LUZP2: variants seen among roughly 807,000 people sequenced by gnomAD.
The protein encoded by LUZP2 is leucine zipper protein 2.
LUZP2 carries 52 observed loss-of-function variants against 51.6 expected under a neutral mutation model. The ratio of observed to expected loss-of-function variants is 1.01; its 90% CI spans 0.81 to 1.27. LUZP2 has a LOEUF of 1.27. Ranked by LOEUF, LUZP2 falls within the 50% of genes most tolerant of loss-of-function variation. The pLI is 0.00. For synonymous variants in LUZP2, 154 were observed against 137.3 expected, an observed-to-expected ratio of 1.12 and a Z score of -0.85; for missense variants, 436 against 395.4, an observed-to-expected ratio of 1.10 and a Z score of -0.87.
chr11:24,938,051 C>A (rs934067252), intron 7 of LUZP2, among the ~76,000 whole-genome samples: 3 of 152,038 alleles, frequency 2.0e-5, no homozygotes. Context: ...AGGGGAGAAT[C>A]AGTTTATCTC....
chr11:24,656,121 GAAATAGGT>G (rs1292626901), intron 1 of LUZP2, among the ~76,000 whole-genome samples: 1 of 152,174 alleles, frequency 6.6e-6, no homozygotes, highest in African/African-American at 2.4e-5. Flanking sequence ...TCCTGAAACA[GAAATAGGT>G]AACTCAAAAT....
intron 6 of LUZP2, among the ~76,000 whole-genome samples, chr11:24,912,667 T>G (rs1853672209): frequency 6.6e-6 from 1 of 151,962 alleles, no homozygotes; most frequent in South Asian, 2.1e-4. Flanking sequence ...AAAATTAGTC[T>G]GGTATGCTGG....
chr11:24,657,165 G>C (rs1855835770), intron 1 of LUZP2, among the ~76,000 whole-genome samples: 1 of 152,162 alleles, frequency 6.6e-6, no homozygotes, highest in Non-Finnish European at 1.5e-5. Flanking sequence ...GGCTATTGTA[G>C]TAGTCATGTT....
chr11:24,692,713 AT>A (rs1463485176), intron 1 of LUZP2, among the ~76,000 whole-genome samples: 1 of 152,116 alleles, frequency 6.6e-6, no homozygotes, highest in African/African-American at 2.4e-5. Flanking sequence ...TGAGAAAAAA[AT>A]AAATGAGTTT....
At chr11:24,959,104 A>C (rs1161802437) in intron 7 of LUZP2, among the ~76,000 whole-genome samples, 17 of 152,018 alleles carry the variant, frequency 1.1e-4, no homozygotes, top group Non-Finnish European at 2.4e-4. Context: ...GTTCTGTTCC[A>C]TTGATCTATA....
intron 5 of LUZP2, among the ~76,000 whole-genome samples, chr11:24,897,324 C>G (rs943198730): frequency 1.3e-5 from 2 of 152,180 alleles, no homozygotes; most frequent in African/African-American, 2.4e-5. Flanking sequence ...AGCAACCCGC[C>G]TCTGTGGAAG....
At chr11:24,979,506 A>G (rs1220016092) in intron 8 of LUZP2, among the ~76,000 whole-genome samples, 1 of 151,876 alleles carries the variant, frequency 6.6e-6, no homozygotes, top group East Asian at 1.9e-4. Context: ...CTGGAATTTA[A>G]ATAACCTTAA....
intron 5 of LUZP2, among the ~76,000 whole-genome samples, chr11:24,832,478 T>G (rs1359896142): frequency 6.6e-6 from 1 of 151,980 alleles, no homozygotes; most frequent in Non-Finnish European, 1.5e-5. Flanking sequence ...TTTATAAACA[T>G]AAAATATATT....
At chr11:24,669,071 G>C (rs1298449084) in intron 1 of LUZP2, among the ~76,000 whole-genome samples, 1 of 152,090 alleles carries the variant, frequency 6.6e-6, no homozygotes, top group African/African-American at 2.4e-5. Context: ...GCAGCAAGGT[G>C]CAACACCAAA....
rs189727148 is a variant in LUZP2 at position 24,623,771 on chromosome 11, C to T, written c.63-105398C>T. Reference sequence around the variant, plus strand: ...CTGAGGCAGGAGAATTGCTTGAATCCGGGAGGTGGAGGTTGCAGTGAGCTG... The same window carrying T: ...CTGAGGCAGGAGAATTGCTTGAATCTGGGAGGTGGAGGTTGCAGTGAGCTG... On this transcript the variant is annotated intron_variant, in intron 1 of 11. Transcript: ENST00000336930. 9.3e-3 allele frequency among the ~76,000 whole-genome samples: 1,410 copies of T among 152,176 alleles called. 26 individuals are homozygous for T. The highest frequency in any genetic ancestry group is 0.033 in the African/African-American group (1,352 of 41,550).
chr11:24,626,583 C>G (rs1426490999), intron 1 of LUZP2, among the ~76,000 whole-genome samples: 1 of 152,110 alleles, frequency 6.6e-6, no homozygotes, highest in Non-Finnish European at 1.5e-5. Context: ...GACCAGAAAT[C>G]AATGAAACAC....
intron 1 of LUZP2, among the ~76,000 whole-genome samples, chr11:24,724,899 A>G (rs1255081059): frequency 6.6e-6 from 1 of 152,198 alleles, no homozygotes; most frequent in African/African-American, 2.4e-5. Flanking sequence ...AAATGGAGAA[A>G]CCCATCCACA....
intron 1 of LUZP2, among the ~76,000 whole-genome samples, chr11:24,596,664 G>T (rs1438426104): frequency 6.6e-6 from 1 of 152,154 alleles, no homozygotes; most frequent in Non-Finnish European, 1.5e-5. Context: ...GTGGCTGTAA[G>T]CAATACGTTC....
chr11:24,926,486 T>C (rs1222779525), intron 7 of LUZP2, among the ~76,000 whole-genome samples: 1 of 92,994 alleles, frequency 1.1e-5, no homozygotes, highest in Admixed American at 1.1e-4. Context: ...TGTGTGTGTA[T>C]ATATATGTGT....
intron 9 of LUZP2, among the ~76,000 whole-genome samples, chr11:24,995,510 T>C (rs1856465623): frequency 6.6e-6 from 1 of 152,218 alleles, no homozygotes; most frequent in Admixed American, 6.5e-5. Flanking sequence ...TCAGTATAAA[T>C]TTAACTTTTC....
intron 1 of LUZP2, among the ~76,000 whole-genome samples, chr11:24,530,672 G>C (rs1298847873): frequency 1.4e-5 from 2 of 140,214 alleles, no homozygotes; most frequent in Non-Finnish European, 3.2e-5. Context: ...TTTGTCAGTT[G>C]TTTACATTTT....
intron 5 of LUZP2, among the ~76,000 whole-genome samples, chr11:24,858,032 ACT>A (rs1345299373): frequency 1.3e-5 from 2 of 151,836 alleles, no homozygotes; most frequent in Non-Finnish European, 2.9e-5. Flanking sequence ...TGGGATGAGG[ACT>A]CTCACAGCTA....
At chr11:24,859,269 A>G (rs1308650188) in intron 5 of LUZP2, among the ~76,000 whole-genome samples, 2 of 152,196 alleles carry the variant, frequency 1.3e-5, no homozygotes, top group African/African-American at 2.4e-5. Context: ...ATATTGAAAG[A>G]GTAAGAAATT....
intron 5 of LUZP2, among the ~76,000 whole-genome samples, chr11:24,844,544 G>A (rs184511140): frequency 2.0e-4 from 31 of 152,248 alleles, no homozygotes; most frequent in Admixed American, 7.9e-4. Flanking sequence ...ACAGAAATTT[G>A]CATAAGTAAC....
Sources: gnomAD v4.1 joint callset for allele counts (sites outside exome capture counted in the v4.1 genomes callset) on GRCh38, gnomAD v4.1.1 for gene constraint, MANE v1.5 for transcripts, NCBI Gene and HGNC (gene_info 2026-07-23, HGNC 2026-07-21) for gene names.